The following TXNL4A variants were observed in gnomAD, a reference collection of about 807,000 sequenced individuals.
The protein encoded by TXNL4A is thioredoxin-like protein 4A.
Under a neutral mutation model 14.6 loss-of-function variants are expected in TXNL4A, and 17 were observed. The observed-to-expected ratio is 1.16, with a 90% CI of 0.80 to 1.74. The LOEUF (loss-of-function observed/expected upper bound fraction) is 1.74, where lower values mean the gene tolerates loss of function less well. Ranked by LOEUF, TXNL4A falls within the 40% of genes most tolerant of loss-of-function variation. The probability of loss-of-function intolerance (pLI) is 0.00; values close to 1 mark genes in which losing one functional copy is unlikely to be tolerated. For synonymous variants in TXNL4A, 83 were observed against 70.6 expected (o/e 1.18, Z -0.88); for missense variants, 74 against 195.2 (o/e 0.38, Z 3.70).
chr18:80,033,325 C>A (rs1274032759), intron 1 of TXNL4A, among the ~76,000 whole-genome samples: 1 of 152,168 alleles, frequency 6.6e-6, no homozygotes, highest in Non-Finnish European at 1.5e-5. Context: ...ACGTGTCTCA[C>A]ACCACAGCAG....
chr18:80,024,106 G>A (rs12957640), intron 1 of TXNL4A, among the ~76,000 whole-genome samples: 198 of 152,090 alleles, frequency 1.3e-3, no homozygotes, highest in African/African-American at 2.5e-3. Context: ...ACAATTTGCC[G>A]AAGTCTGGGA....
Position 79,988,534 on chromosome 18 carries a change from C to G in TXNL4A, c.-142G>C. ...CCGGTCCCGCCCGCACACGCAAACT[C>G]CGCTGGGACTGCCACCCGGCAGAAC... On this transcript the variant is annotated 5_prime_UTR_variant, in exon 1 of 3. Coordinates refer to ENST00000269601, the MANE Select transcript of TXNL4A (RefSeq NM_006701.5). 1 of 884,394 alleles carries G rather than the reference C, an allele frequency of 1.1e-6. No homozygotes were observed. Among genetic ancestry groups the G allele is most frequent in the South Asian group, 4.4e-5 (1 of 22,708 alleles). The allele number at this position is 884,394 out of a possible 1,614,324, so 54.8% of individuals were successfully genotyped here.
chr18:79,993,419 T>G (rs1050135058), upstream of TXNL4A, among the ~76,000 whole-genome samples: 2 of 152,218 alleles, frequency 1.3e-5, no homozygotes, highest in African/African-American at 4.8e-5. The surrounding 1 kb of genome is among the most constrained non-coding windows in gnomAD (Gnocchi z 4.4). Flanking sequence ...ACTTTTCAGC[T>G]TGGGCTCCTA....
intron 1 of TXNL4A, among the ~76,000 whole-genome samples, chr18:80,009,831 C>T (rs58669842): frequency 0.3 from 45,276 of 151,882 alleles, 7,003 homozygotes; most frequent in Non-Finnish European, 0.35. Context: ...GGAGGGGCTG[C>T]GTGCGCAGTG....
chr18:80,007,295 C>G (rs1034209367), intron 1 of TXNL4A, among the ~76,000 whole-genome samples: 2 of 152,150 alleles, frequency 1.3e-5, no homozygotes, highest in Admixed American at 6.5e-5. Flanking sequence ...ATGCGAGGTC[C>G]CTGAATGCAC....
chr18:79,986,251 G>A (rs1315356225), intron 1 of TXNL4A, among the ~76,000 whole-genome samples: 1 of 152,120 alleles, frequency 6.6e-6, no homozygotes, highest in African/African-American at 2.4e-5. Context: ...GTCCAGGCTG[G>A]TCTCGAATCC....
At chr18:79,999,009 T>C (rs1344994727) in intron 1 of TXNL4A, among the ~76,000 whole-genome samples, 6 of 152,142 alleles carry the variant, frequency 3.9e-5, no homozygotes, top group African/African-American at 1.4e-4. Flanking sequence ...TGTGGTTTCC[T>C]TACTAGAGGT....
At chr18:80,032,477 T>C (rs2051928643) in intron 1 of TXNL4A, among the ~76,000 whole-genome samples, 1 of 152,152 alleles carries the variant, frequency 6.6e-6, no homozygotes, top group Admixed American at 6.5e-5. Context: ...ATAAGATGGC[T>C]ACAAGATGAA....
In TXNL4A at chr18:79,978,325, C is replaced by T. The variant is rs1255003251; in HGVS notation, c.154-624G>A. Reference sequence around the variant, plus strand: ...CTGTAGAATCCTGCCATCATTTCCCCGCAATTAGGTCTGAACACTTGCAAA... The same window carrying T: ...CTGTAGAATCCTGCCATCATTTCCCTGCAATTAGGTCTGAACACTTGCAAA... On this transcript the variant is annotated intron_variant, in intron 1 of 2. Transcript: ENST00000269601. 3.9e-5 allele frequency among the ~76,000 whole-genome samples: 6 copies of T among 152,098 alleles called. No individual in the cohort carries two copies. In the East Asian group the frequency reaches 5.8e-4, roughly 15 times the overall value.
Position 79,982,391 on chromosome 18 carries a change from A to G in TXNL4A, c.154-4690T>C, listed in dbSNP as rs1212739804. Among the ~76,000 whole-genome samples the G allele has an allele frequency of 2.0e-5, 3 of 152,216 alleles. No homozygotes were observed. The highest frequency in any genetic ancestry group is 4.1e-4 in the South Asian group (2 of 4,832). On this transcript the variant is annotated intron_variant, in intron 1 of 2. Transcript: ENST00000269601. The surrounding 1 kb of genome is among the most constrained non-coding windows in gnomAD (Gnocchi z 4.0). ...GGACATCCAGAGAAAAAGGCCCTCCAGGTAGCGACTGGCCTGGAGCTGTAC... is the reference window on the plus strand; with the variant it reads ...GGACATCCAGAGAAAAAGGCCCTCCGGGTAGCGACTGGCCTGGAGCTGTAC...
intron 1 of TXNL4A, chr18:79,995,002 A>AC (rs1467315453): frequency 1.3e-5 from 2 of 152,230 alleles, no homozygotes; most frequent in Non-Finnish European, 2.9e-5. Context: ...AAAAGGGGAC[A>AC]CCATAGGGAC....
At chr18:80,029,005 AC>A (rs2051903537) in intron 1 of TXNL4A, among the ~76,000 whole-genome samples, 1 of 152,208 alleles carries the variant, frequency 6.6e-6, no homozygotes, top group Non-Finnish European at 1.5e-5. Flanking sequence ...CCAATCCAGG[AC>A]CAAACGGCCA....
At chr18:79,991,680 G>C (rs1273559115), upstream of TXNL4A, among the ~76,000 whole-genome samples, 1 of 152,144 alleles carries the variant, frequency 6.6e-6, no homozygotes, top group Non-Finnish European at 1.5e-5. Flanking sequence ...TTGCTAAATT[G>C]TTTTCCAAAT....
At chr18:80,006,693 G>A (rs2051733535) in intron 1 of TXNL4A, among the ~76,000 whole-genome samples, 1 of 152,190 alleles carries the variant, frequency 6.6e-6, no homozygotes, top group African/African-American at 2.4e-5. Flanking sequence ...GTTTTAGAGT[G>A]GGAGTTTAAT....
intron 1 of TXNL4A, among the ~76,000 whole-genome samples, chr18:79,999,352 A>T (rs2145102707): frequency 6.6e-6 from 1 of 152,214 alleles, no homozygotes. Context: ...CCTGGCCGAC[A>T]TAGTGAAACC....
chr18:80,005,967 A>C (rs1006979707), intron 1 of TXNL4A, among the ~76,000 whole-genome samples: 6 of 152,124 alleles, frequency 3.9e-5, no homozygotes, highest in African/African-American at 1.4e-4. Context: ...AGAACTTTCC[A>C]AAAACAGCTT....
At chr18:79,988,854 G>T (rs918075939), upstream of TXNL4A, among the ~76,000 whole-genome samples, 1 of 152,182 alleles carries the variant, frequency 6.6e-6, no homozygotes, top group Non-Finnish European at 1.5e-5. Context: ...CTGTCCTCCA[G>T]CCACGGATGG....
At chr18:79,980,787 C>A (rs1229022613) in intron 1 of TXNL4A, among the ~76,000 whole-genome samples, 1 of 152,142 alleles carries the variant, frequency 6.6e-6, no homozygotes, top group Non-Finnish European at 1.5e-5. Context: ...ATGCAACTCG[C>A]CATCCATGTG....
chr18:80,033,426 G>A (rs2051939280), intron 1 of TXNL4A, among the ~76,000 whole-genome samples: 1 of 152,166 alleles, frequency 6.6e-6, no homozygotes, highest in South Asian at 2.1e-4. Context: ...CTTCCCCGCT[G>A]GGCCACGCTG....
Sources: allele counts gnomAD v4.1 joint callset (sites outside exome capture counted in the v4.1 genomes callset), GRCh38; gene constraint gnomAD v4.1.1; non-coding constraint Gnocchi (gnomAD v3.1); transcripts MANE v1.5; gene names NCBI Gene and HGNC (gene_info 2026-07-23, HGNC 2026-07-21).